Variants in ANKRD44 observed in about 807,000 individuals in gnomAD.
The protein encoded by ANKRD44 is ankyrin repeat domain 44, also known as serine/threonine-protein phosphatase 6 regulatory ankyrin repeat subunit B.
Under a neutral mutation model 116.0 loss-of-function variants are expected in ANKRD44, and 35 were observed. The ratio of observed to expected loss-of-function variants is 0.30; its 90% CI spans 0.23 to 0.40. The LOEUF (loss-of-function observed/expected upper bound fraction) is 0.40, where lower values mean the gene tolerates loss of function less well. Among genes scored for constraint, ANKRD44 ranks in the 10% least tolerant of loss-of-function variants. The probability of loss-of-function intolerance (pLI) is 1.00; values close to 1 mark genes in which losing one functional copy is unlikely to be tolerated. For missense variants in ANKRD44, 1,014 were observed against 1,242.6 expected, an observed-to-expected ratio of 0.82 and a Z score of 2.77; for synonymous variants, 435 against 461.8, an observed-to-expected ratio of 0.94 and a Z score of 0.74.
chr2:196,971,225 T>C (rs2075713775), intron 21 of ANKRD44, among the ~76,000 whole-genome samples: 1 of 152,256 alleles, frequency 6.6e-6, no homozygotes, highest in Non-Finnish European at 1.5e-5. Context: ...CTTGTGATCA[T>C]ACAAAATGAC....
At chr2:197,298,604 A>G (rs6761919) in intron 1 of ANKRD44, among the ~76,000 whole-genome samples, 71,421 of 152,022 alleles carry the variant, frequency 0.47, 18,158 homozygotes, top group African/African-American at 0.67. Flanking sequence ...AAAAGAATGT[A>G]TCACTTAAAT....
chr2:197,090,818 G>C (rs981303405), intron 10 of ANKRD44, among the ~76,000 whole-genome samples: 1 of 152,190 alleles, frequency 6.6e-6, no homozygotes, highest in African/African-American at 2.4e-5. Context: ...ATTTGAGAGA[G>C]ACAGTTTGAT....
chr2:197,173,207 C>G (rs770532969), intron 2 of ANKRD44, among the ~76,000 whole-genome samples: 3 of 152,132 alleles, frequency 2.0e-5, no homozygotes, highest in Non-Finnish European at 4.4e-5. Context: ...TGTGATCTTT[C>G]TAGAAAAGTT....
chr2:197,105,530 G>T, intron 9 of ANKRD44, among the ~76,000 whole-genome samples: 1 of 152,134 alleles, frequency 6.6e-6, no homozygotes, highest in East Asian at 1.9e-4. Flanking sequence ...TCACCAAACT[G>T]CCAATAAAAA....
intron 21 of ANKRD44, among the ~76,000 whole-genome samples, chr2:196,971,258 TTTCA>T (rs1168866540): frequency 6.6e-5 from 10 of 152,240 alleles, no homozygotes; most frequent in Non-Finnish European, 1.5e-4. Flanking sequence ...TATGTGAATT[TTTCA>T]TTGATATCAT....
At chr2:197,253,139 G>A (rs1307196010) in intron 1 of ANKRD44, among the ~76,000 whole-genome samples, 2 of 152,224 alleles carry the variant, frequency 1.3e-5, no homozygotes, top group South Asian at 2.1e-4. Context: ...AACAGCTCCT[G>A]TATAACGATG....
chr2:197,248,567 T>C (rs1333343413), intron 1 of ANKRD44, among the ~76,000 whole-genome samples: 1 of 117,192 alleles, frequency 8.5e-6, no homozygotes, highest in Admixed American at 1.1e-4. Context: ...TGTGTGTGTG[T>C]GTGTGTGTGT....
At chr2:197,116,968 A>G (rs2078725542) in intron 8 of ANKRD44, among the ~76,000 whole-genome samples, 1 of 152,196 alleles carries the variant, frequency 6.6e-6, no homozygotes, top group African/African-American at 2.4e-5. Context: ...AGTGCTTATC[A>G]TGTGGCAGAT....
chr2:197,248,593 A>ATAT (rs2082248209), intron 1 of ANKRD44, among the ~76,000 whole-genome samples: 1 of 105,738 alleles, frequency 9.5e-6, no homozygotes, highest in African/African-American at 3.4e-5. Context: ...TATATATATA[A>ATAT]AGAGAGAGAT....
intron 1 of ANKRD44, among the ~76,000 whole-genome samples, chr2:197,306,722 C>T (rs1290543591): frequency 4.6e-5 from 7 of 152,320 alleles, no homozygotes; most frequent in African/African-American, 1.4e-4. Flanking sequence ...AGAAATCCTG[C>T]TCCCAAAGTT....
chr2:196,990,123 T>A (rs1211574657), intron 27 of ANKRD44: 1 of 1,000,994 alleles, frequency 1.0e-6, no homozygotes, highest in Non-Finnish European at 1.2e-6. Flanking sequence ...GATATTCAAA[T>A]GCTTACTATA....
At chr2:197,164,151 TG>T (rs1324176456) in intron 2 of ANKRD44, among the ~76,000 whole-genome samples, 2 of 152,208 alleles carry the variant, frequency 1.3e-5, no homozygotes, top group African/African-American at 4.8e-5. Flanking sequence ...GAACCAGAGT[TG>T]GTGGGGAAGT....
intron 2 of ANKRD44, among the ~76,000 whole-genome samples, chr2:197,154,898 T>A (rs1044308513): frequency 6.6e-6 from 1 of 152,132 alleles, no homozygotes. Context: ...ACCCATTCAT[T>A]TGAATGTAAC....
chr2:197,186,629 T>TTTTTTTTTTTTTTTTTTTTTTTG, intron 2 of ANKRD44, among the ~76,000 whole-genome samples: 1 of 108,230 alleles, frequency 9.2e-6, no homozygotes, highest in Non-Finnish European at 1.8e-5. Flanking sequence ...TTTTTTTTTT[T>TTTTTTTTTTTTTTTTTTTTTTTG]TTTTTTTTTT....
chr2:197,165,375 G>A (rs537754894), intron 2 of ANKRD44, among the ~76,000 whole-genome samples: 35 of 152,314 alleles, frequency 2.3e-4, no homozygotes, highest in African/African-American at 8.2e-4. Flanking sequence ...GGAGCTGACC[G>A]GACAAGCCTT....
At chr2:197,129,576 T>C (rs144757766) in intron 4 of ANKRD44, among the ~76,000 whole-genome samples, 2 of 152,280 alleles carry the variant, frequency 1.3e-5, no homozygotes, top group African/African-American at 4.8e-5. Flanking sequence ...CTATATAAGA[T>C]GCAGAAATAA....
chr2:197,022,852 C>T (rs1471234325), intron 17 of ANKRD44, among the ~76,000 whole-genome samples: 1 of 152,124 alleles, frequency 6.6e-6, no homozygotes, highest in African/African-American at 2.4e-5. Context: ...TAAATAAGCA[C>T]CCTGTCTGCC....
At position 196,993,691 on chromosome 2, in the gene ANKRD44, C is replaced by T. The variant is rs1038574400; in HGVS notation, c.2832-17G>A. ...TGGAGGGGTCTAAAAAACACAAGAC[C>T]GAGCATCAGTTGTGATACATATTTG... is the stretch of plus-strand genomic sequence containing the variant. On this transcript the variant is annotated splice_polypyrimidine_tract_variant and intron_variant, in intron 26 of 27. Coordinates refer to ENST00000282272, the MANE Select transcript of ANKRD44 (RefSeq NM_001195144.2). The T allele has an allele frequency of 3.9e-5, 61 of 1,547,860 alleles. No individual in the cohort carries two copies. The highest frequency in any genetic ancestry group is 2.5e-4 in the South Asian group (21 of 83,972).
intron 2 of ANKRD44, among the ~76,000 whole-genome samples, chr2:197,171,696 T>G (rs986935335): frequency 6.6e-6 from 1 of 152,130 alleles, no homozygotes; most frequent in Non-Finnish European, 1.5e-5. Context: ...TGGGTGATCG[T>G]CAAGTGTCGG....
Sources: allele counts gnomAD v4.1 joint callset (sites outside exome capture counted in the v4.1 genomes callset), GRCh38; gene constraint gnomAD v4.1.1; transcripts MANE v1.5; gene names NCBI Gene and HGNC (gene_info 2026-07-23, HGNC 2026-07-21).